Variants in MGAT4C observed in about 807,000 individuals in gnomAD.
MGAT4C encodes MGAT4 family member C, also known as alpha-1,3-mannosyl-glycoprotein 4-beta-N-acetylglucosaminyltransferase C.
MGAT4C carries 19 observed loss-of-function variants against 40.1 expected under a neutral mutation model. The observed-to-expected ratio is 0.47, with a 90% CI of 0.33 to 0.70. The LOEUF (loss-of-function observed/expected upper bound fraction) is 0.70, where lower values mean the gene tolerates loss of function less well. MGAT4C is among the 30% of genes least tolerant of loss of function. The pLI, the probability that MGAT4C is intolerant of heterozygous loss-of-function variation, is 0.02. For missense variants in MGAT4C, 491 were observed against 563.2 expected (o/e 0.87, Z 1.30); for synonymous variants, 181 against 187.1 (o/e 0.97, Z 0.27).
chr12:86,279,448 T>C, intron 4 of MGAT4C, among the ~76,000 whole-genome samples: 1 of 152,150 alleles, frequency 6.6e-6, no homozygotes, highest in East Asian at 1.9e-4. Context: ...AGGCATACTG[T>C]TCCTCATAGT....
chr12:86,543,969 A>AG (rs939751264), intron 2 of MGAT4C, among the ~76,000 whole-genome samples: 28 of 151,996 alleles, frequency 1.8e-4, no homozygotes, highest in African/African-American at 6.8e-4. Flanking sequence ...ACTCCTCATC[A>AG]GGGGGGCTCA....
At chr12:86,246,419 A>G (rs1048765175) in intron 1 of MGAT4C, among the ~76,000 whole-genome samples, 33 of 152,082 alleles carry the variant, frequency 2.2e-4, no homozygotes, top group African/African-American at 7.5e-4. Context: ...TTATTTGCCT[A>G]CACACTCATG....
At chr12:86,297,625 T>TC (rs1953712891) in intron 4 of MGAT4C, among the ~76,000 whole-genome samples, 1 of 152,150 alleles carries the variant, frequency 6.6e-6, no homozygotes, top group African/African-American at 2.4e-5. Context: ...ATTGAAAAAC[T>TC]CTAAGAAACC....
chr12:86,267,660 G>A (rs1437634379), intron 4 of MGAT4C, among the ~76,000 whole-genome samples: 1 of 152,070 alleles, frequency 6.6e-6, no homozygotes, highest in African/African-American at 2.4e-5. Flanking sequence ...AAACCATAAA[G>A]AGAATGGAAC....
intron 1 of MGAT4C, among the ~76,000 whole-genome samples, chr12:86,142,865 G>A (rs917477157): frequency 6.6e-6 from 1 of 151,940 alleles, no homozygotes. Context: ...ACTGTATTTG[G>A]CGATAGATCT....
At chr12:86,523,315 ACTT>A (rs879926937) in intron 2 of MGAT4C, among the ~76,000 whole-genome samples, 1 of 152,126 alleles carries the variant, frequency 6.6e-6, no homozygotes, top group Non-Finnish European at 1.5e-5. Flanking sequence ...GTTTCAAATA[ACTT>A]CTTGATTTCT....
At chr12:86,439,302 T>G (rs1291073904) in intron 2 of MGAT4C, among the ~76,000 whole-genome samples, 1 of 151,952 alleles carries the variant, frequency 6.6e-6, no homozygotes, top group African/African-American at 2.4e-5. Flanking sequence ...AGAATGAAAT[T>G]AGAAATTAAT....
chr12:86,418,907 G>A (rs1956770909), intron 3 of MGAT4C, among the ~76,000 whole-genome samples: 1 of 152,060 alleles, frequency 6.6e-6, no homozygotes, highest in Non-Finnish European at 1.5e-5. Context: ...AAAAATAACA[G>A]TAGAAAGTTG....
At position 85,970,796 on chromosome 12, in the gene MGAT4C, C is replaced by A. The variant is rs1293102770; in HGVS notation, c.*8493G>T. ...AGTTTATACAGCAAGATAATAAATT[C>A]ACTAATGTGAAATGTTGATATAGTA... On this transcript the variant is annotated 3_prime_UTR_variant, in exon 5 of 5. Transcript: ENST00000611864. The A allele has an allele frequency of 6.6e-6, 1 of 151,110 alleles. No homozygotes were observed. The highest frequency in any genetic ancestry group is 1.5e-5 in the Non-Finnish European group (1 of 67,326). The allele number at this position is 151,110 out of a possible 1,614,324, so 9.4% of individuals were successfully genotyped here. A position where few individuals can be genotyped will look rare whatever the true frequency, so the allele number is the denominator to read the frequency against.
At chr12:86,626,241 G>A (rs1283313690) in intron 2 of MGAT4C, among the ~76,000 whole-genome samples, 1 of 152,098 alleles carries the variant, frequency 6.6e-6, no homozygotes, top group Non-Finnish European at 1.5e-5. Flanking sequence ...TAAGTACACA[G>A]GAGTCATACA....
intron 2 of MGAT4C, among the ~76,000 whole-genome samples, chr12:86,486,189 A>G (rs547290949): frequency 6.6e-6 from 1 of 152,310 alleles, no homozygotes; most frequent in African/African-American, 2.4e-5. Flanking sequence ...ACATGATGAC[A>G]GGATTGAAAT....
At chr12:86,538,038 G>T (rs1268610179) in intron 2 of MGAT4C, among the ~76,000 whole-genome samples, 1 of 152,178 alleles carries the variant, frequency 6.6e-6, no homozygotes, top group African/African-American at 2.4e-5. Flanking sequence ...AGTGAGCCAA[G>T]ATCATGCCAG....
intron 1 of MGAT4C, among the ~76,000 whole-genome samples, chr12:86,774,353 C>CTTTCTTT (rs1565981803): frequency 1.7e-4 from 3 of 18,086 alleles, no homozygotes; most frequent in African/African-American, 6.3e-4. Context: ...CTCTCTCTCT[C>CTTTCTTT]CCCTCTCTCT....
rs368405701 is a variant in MGAT4C, at chr12:86,816,038, T to C, written c.-262+22628A>G. 1.5e-3 allele frequency among the ~76,000 whole-genome samples: 227 copies of C among 152,078 alleles called. 2 individuals are homozygous for C. Among genetic ancestry groups the C allele is most frequent in the African/African-American group, 5.1e-3 (211 of 41,514 alleles). On this transcript the variant is annotated intron_variant, in intron 1 of 7. Coordinates refer to the MGAT4C transcript ENST00000548651. Reference sequence around the variant, plus strand: ...AGAAAAAAAGAACAAATAATTTTATTGTTTCTCTGATCTTTATTCTTTATT... The same window carrying C: ...AGAAAAAAAGAACAAATAATTTTATCGTTTCTCTGATCTTTATTCTTTATT...
intron 4 of MGAT4C, among the ~76,000 whole-genome samples, chr12:86,332,999 T>C (rs1186312604): frequency 1.3e-5 from 2 of 152,116 alleles, no homozygotes; most frequent in Admixed American, 6.6e-5. Flanking sequence ...CAAGCATACA[T>C]CATCCAATAG....
At chr12:86,747,782 TA>T (rs562510365) in intron 1 of MGAT4C, among the ~76,000 whole-genome samples, 4 of 150,864 alleles carry the variant, frequency 2.7e-5, no homozygotes, top group Admixed American at 6.6e-5. Flanking sequence ...TTTTTTTTTT[TA>T]AAAAAAAGCT....
intron 2 of MGAT4C, among the ~76,000 whole-genome samples, chr12:86,497,929 T>C (rs986599792): frequency 5.2e-4 from 71 of 135,600 alleles, no homozygotes; most frequent in East Asian, 8.5e-4. Context: ...CACACACACA[T>C]ATAATATTAT....
chr12:86,270,202 G>A (rs2136106898), intron 4 of MGAT4C, among the ~76,000 whole-genome samples: 2 of 152,178 alleles, frequency 1.3e-5, no homozygotes, highest in Middle Eastern at 6.8e-3. Flanking sequence ...AAGTAGCTGG[G>A]ATTACAGGTG....
chr12:86,348,320 A>AT (rs1236991391), intron 3 of MGAT4C, among the ~76,000 whole-genome samples: 8 of 151,894 alleles, frequency 5.3e-5, no homozygotes, highest in Non-Finnish European at 1.2e-4. Flanking sequence ...AATAGAATTC[A>AT]TTTTTCTTTT....
Sources: allele counts gnomAD v4.1 joint callset (sites outside exome capture counted in the v4.1 genomes callset), GRCh38; gene constraint gnomAD v4.1.1; transcripts MANE v1.5; gene names NCBI Gene and HGNC (gene_info 2026-07-23, HGNC 2026-07-21).